Variants in SPRED1 observed in about 807,000 individuals in gnomAD.
The protein encoded by SPRED1 is sprouty-related, EVH1 domain-containing protein 1.
SPRED1 carries 18 observed loss-of-function variants against 52.3 expected under a neutral mutation model. That is an observed-to-expected ratio of 0.34 (90% CI 0.24 to 0.51). The LOEUF (loss-of-function observed/expected upper bound fraction) is 0.51, where lower values mean the gene tolerates loss of function less well. Among genes scored for constraint, SPRED1 ranks in the 20% least tolerant of loss-of-function variants. The pLI is 0.97. For synonymous variants in SPRED1, 155 were observed against 179.7 expected (o/e 0.86, Z 1.10); for missense variants, 485 against 551.0 (o/e 0.88, Z 1.20).
intron 4 of SPRED1, among the ~76,000 whole-genome samples, chr15:38,332,091 AAG>A (rs376389844): frequency 6.8e-4 from 104 of 152,286 alleles, no homozygotes; most frequent in African/African-American, 2.4e-3. Context: ...AGTGAAGAAA[AAG>A]AGCACTGTGT....
At chr15:38,334,425 T>C (rs1405909074) in intron 4 of SPRED1, among the ~76,000 whole-genome samples, 2 of 152,052 alleles carry the variant, frequency 1.3e-5, no homozygotes, top group African/African-American at 2.4e-5. Flanking sequence ...TATTATTCTT[T>C]GTATGATTAT....
chr15:38,283,145 C>T (rs2037519), intron 1 of SPRED1, among the ~76,000 whole-genome samples: 125,219 of 151,770 alleles, frequency 0.83, 52,410 homozygotes, highest in Non-Finnish European at 0.9. Flanking sequence ...GGGAAACTTA[C>T]AGTCATGACA....
intron 1 of SPRED1, among the ~76,000 whole-genome samples, chr15:38,288,547 T>C (rs1421685629): frequency 6.6e-6 from 1 of 152,134 alleles, no homozygotes; most frequent in East Asian, 1.9e-4. Context: ...GCTGATGGCT[T>C]AGAAAGGAGC....
chr15:38,302,549 C>T (rs1440669908), intron 2 of SPRED1, among the ~76,000 whole-genome samples: 2 of 152,128 alleles, frequency 1.3e-5, no homozygotes, highest in African/African-American at 2.4e-5. Context: ...ACCTATAAAG[C>T]ATCTTTATGA....
intron 1 of SPRED1, among the ~76,000 whole-genome samples, chr15:38,282,828 C>T (rs1190412641): frequency 6.6e-6 from 1 of 151,834 alleles, no homozygotes; most frequent in East Asian, 1.9e-4. Context: ...TCTTTAAGGA[C>T]CATGGTTTGT....
chr15:38,261,493 G>C (rs1894203642), intron 1 of SPRED1, among the ~76,000 whole-genome samples: 2 of 152,210 alleles, frequency 1.3e-5, no homozygotes, highest in Non-Finnish European at 2.9e-5. Flanking sequence ...TTAAATTTCA[G>C]CCTAATATCA....
At chr15:38,334,497 T>G (rs1345345298) in intron 4 of SPRED1, among the ~76,000 whole-genome samples, 1 of 152,072 alleles carries the variant, frequency 6.6e-6, no homozygotes, top group African/African-American at 2.4e-5. Flanking sequence ...AATCCCCTGG[T>G]TCTAGCCTCA....
At chr15:38,310,092 C>A (rs1342238070) in intron 2 of SPRED1, among the ~76,000 whole-genome samples, 1 of 128,562 alleles carries the variant, frequency 7.8e-6, no homozygotes, top group East Asian at 2.5e-4. Context: ...CTGTGCTTTT[C>A]CATATAAATT....
At chr15:38,264,909 G>T (rs938906812) in intron 1 of SPRED1, among the ~76,000 whole-genome samples, 4 of 151,990 alleles carry the variant, frequency 2.6e-5, no homozygotes, top group African/African-American at 9.7e-5. Flanking sequence ...GAGGGGAAGA[G>T]AGACATGTAA....
intron 2 of SPRED1, among the ~76,000 whole-genome samples, chr15:38,310,884 A>G (rs1028093862): frequency 2.0e-5 from 3 of 152,138 alleles, no homozygotes; most frequent in East Asian, 1.9e-4. Context: ...TGTTGACATC[A>G]TGTCATCTAC....
intron 2 of SPRED1, 41 bp downstream of exon 2, chr15:38,299,588 A>C: frequency 1.9e-6 from 3 of 1,553,576 alleles, no homozygotes; most frequent in Non-Finnish European, 2.7e-6. Context: ...TTAGATAATG[A>C]ATTATCTGTT....
intron 1 of SPRED1, among the ~76,000 whole-genome samples, chr15:38,279,306 T>C (rs1894635156): frequency 1.3e-5 from 2 of 152,212 alleles, no homozygotes; most frequent in Non-Finnish European, 2.9e-5. Context: ...TTAAATATGG[T>C]TGAATTTTCT....
At chr15:38,284,297 G>A (rs1390683030) in intron 1 of SPRED1, among the ~76,000 whole-genome samples, 3 of 152,106 alleles carry the variant, frequency 2.0e-5, no homozygotes, top group East Asian at 1.9e-4. Context: ...AAACAATGTT[G>A]ATACACAGTT....
At chr15:38,292,786 A>G (rs1473955160) in intron 1 of SPRED1, among the ~76,000 whole-genome samples, 1 of 152,212 alleles carries the variant, frequency 6.6e-6, no homozygotes, top group African/African-American at 2.4e-5. Flanking sequence ...CTTAGCTATG[A>G]TTAATAATTC....
At chr15:38,273,526 T>A (rs1340440357) in intron 1 of SPRED1, among the ~76,000 whole-genome samples, 1 of 1,474 alleles carries the variant, frequency 6.8e-4, no homozygotes, top group Admixed American at 5.4e-3. Flanking sequence ...TATTAATATA[T>A]ATATATATAT....
chr15:38,282,345 G>GCACA (rs1566854071), intron 1 of SPRED1, among the ~76,000 whole-genome samples: 282 of 16,884 alleles, frequency 0.017, 4 homozygotes, highest in Middle Eastern at 0.056. Flanking sequence ...ACACACACAT[G>GCACA]CACACACACA....
chr15:38,277,019 G>C (rs900648198), intron 1 of SPRED1, among the ~76,000 whole-genome samples: 1 of 152,144 alleles, frequency 6.6e-6, no homozygotes. Context: ...CATCATGATA[G>C]TTTGGGGTCT....
intron 1 of SPRED1, among the ~76,000 whole-genome samples, chr15:38,255,429 G>C (rs55645246): frequency 0.026 from 3,890 of 152,090 alleles, 53 homozygotes; most frequent in Middle Eastern, 0.041. Flanking sequence ...AGTTTGGGCA[G>C]GGCGATAATA....
chr15:38,294,205 G>A (rs888513107), intron 1 of SPRED1, among the ~76,000 whole-genome samples: 1 of 152,020 alleles, frequency 6.6e-6, no homozygotes, highest in African/African-American at 2.4e-5. Flanking sequence ...TTTAATATTT[G>A]GATGGTTAAT....
Sources: gnomAD v4.1 joint callset for allele counts (sites outside exome capture counted in the v4.1 genomes callset) on GRCh38, gnomAD v4.1.1 for gene constraint, MANE v1.5 for transcripts, NCBI Gene and HGNC (gene_info 2026-07-23, HGNC 2026-07-21) for gene names.